TFDP2: variants seen among roughly 807,000 people sequenced by gnomAD.
TFDP2 encodes the protein transcription factor Dp-2 (E2F dimerization partner 2).
In TFDP2, 17 loss-of-function variants were observed where a neutral mutation model predicts 59.3. The ratio of observed to expected loss-of-function variants is 0.29; its 90% confidence interval spans 0.20 to 0.43. The LOEUF is 0.43. Among genes scored for constraint, TFDP2 ranks in the 20% least tolerant of loss-of-function variants. The probability of loss-of-function intolerance (pLI) is 1.00; values close to 1 mark genes in which losing one functional copy is unlikely to be tolerated. For missense variants in TFDP2, 391 were observed against 528.8 expected (o/e 0.74, Z 2.56); for synonymous variants, 180 against 194.7 (o/e 0.92, Z 0.63).
intron 3 of TFDP2, among the ~76,000 whole-genome samples, chr3:142,013,225 T>C (rs1280371870): frequency 2.3e-5 from 3 of 131,906 alleles, no homozygotes; most frequent in Admixed American, 2.2e-4. Context: ...TAAAACAAGT[T>C]GAAGATCTAG....
chr3:142,043,700 G>A lies in TFDP2; in HGVS notation c.83-38156C>T. On this transcript the variant is annotated intron_variant, in intron 3 of 12. Coordinates refer to ENST00000489671, the MANE Select transcript of TFDP2 (RefSeq NM_001178139.2). ...TTGGCCTGCAGGCGTTCTTCACCGT[G>A]CTTGCGTGCTTCCTTGGTCTTAGAC... The A allele has an allele frequency of 2.7e-6, 3 of 1,104,300 alleles. No individual in the cohort carries two copies. The South Asian group carries it at 3.7e-5, about 14-fold the overall frequency. The allele number at this position is 1,104,300 out of a possible 1,614,324, so 68.4% of individuals were successfully genotyped here. A position where few individuals can be genotyped will look rare whatever the true frequency, so the allele number is the denominator to read the frequency against.
chr3:141,997,208 C>T (rs553225169), intron 4 of TFDP2, among the ~76,000 whole-genome samples: 10 of 152,168 alleles, frequency 6.6e-5, no homozygotes, highest in African/African-American at 2.4e-4. Flanking sequence ...TAAATATTTA[C>T]TAACTGGGAT....
intron 1 of TFDP2, among the ~76,000 whole-genome samples, chr3:142,111,185 T>G (rs1459575064): frequency 6.6e-6 from 1 of 152,078 alleles, no homozygotes; most frequent in Non-Finnish European, 1.5e-5. Context: ...TCCCAGCACT[T>G]TGGGAGGCCG....
At chr3:142,002,552 A>G (rs1278047816) in intron 4 of TFDP2, among the ~76,000 whole-genome samples, 1 of 152,022 alleles carries the variant, frequency 6.6e-6, no homozygotes, top group African/African-American at 2.4e-5. Flanking sequence ...GGCCTTTACC[A>G]TCCATATTTG....
chr3:141,999,737 CTT>C (rs1016787088), intron 4 of TFDP2, among the ~76,000 whole-genome samples: 15 of 140,030 alleles, frequency 1.1e-4, no homozygotes, highest in Admixed American at 2.2e-4. Flanking sequence ...GCAAGAATTC[CTT>C]TTTTTTTTTT....
rs1236959131 is a variant in TFDP2 at position 142,003,694 on chromosome 3, C to T, written c.186+1747G>A. Reference sequence around the variant, plus strand: ...GGGACAAATTAAGTACTTGGGATGGCCCAGTTGAAGGTAGAGTTCCAAATC... The same window carrying T: ...GGGACAAATTAAGTACTTGGGATGGTCCAGTTGAAGGTAGAGTTCCAAATC... On this transcript the variant is annotated intron_variant, in intron 4 of 12. Transcript: ENST00000489671. Among the ~76,000 whole-genome samples the T allele has an allele frequency of 7.9e-5, 12 of 152,272 alleles. 1 individual carries two copies. The highest frequency in any genetic ancestry group is 6.2e-4 in the South Asian group (3 of 4,816).
At chr3:142,003,874 G>T (rs1944013235) in intron 4 of TFDP2, among the ~76,000 whole-genome samples, 1 of 152,110 alleles carries the variant, frequency 6.6e-6, no homozygotes. Context: ...AATTATACAT[G>T]CTTCCAAAGG....
At chr3:142,017,450 C>A (rs192176237) in intron 3 of TFDP2, among the ~76,000 whole-genome samples, 1 of 152,082 alleles carries the variant, frequency 6.6e-6, no homozygotes, top group Non-Finnish European at 1.5e-5. Flanking sequence ...CGAATCACCA[C>A]CAAAATATTC....
chr3:141,974,207 T>C lies in TFDP2; in HGVS notation c.520-16A>G. ...GATCATAAGCCTGCTAAAAAATATT[T>C]TCACTGAGTGATAAATCTTAAGGGT... is the stretch of plus-strand genomic sequence containing the variant. On this transcript the variant is annotated splice_polypyrimidine_tract_variant and intron_variant, in intron 7 of 12. Coordinates refer to ENST00000489671, the MANE Select transcript of TFDP2 (RefSeq NM_001178139.2). 6.3e-7 allele frequency: 1 copy of C among 1,586,058 alleles called. No individual in the cohort carries two copies.
intron 8 of TFDP2, among the ~76,000 whole-genome samples, chr3:141,973,123 A>ATATATATATATATATATTTTTTTTTT: frequency 6.9e-5 from 4 of 58,026 alleles, no homozygotes; most frequent in Non-Finnish European, 1.1e-4. Context: ...ATATATATAT[A>ATATATATATATATATATTTTTTTTTT]TTTTTTTTTT....
At chr3:142,128,081 C>T (rs2062336909) in intron 1 of TFDP2, among the ~76,000 whole-genome samples, 2 of 151,998 alleles carry the variant, frequency 1.3e-5, no homozygotes, top group South Asian at 4.2e-4. Flanking sequence ...CATGTCTGTC[C>T]ATAGTCCTAG....
At chr3:142,140,007 C>G (rs913804557) in intron 1 of TFDP2, among the ~76,000 whole-genome samples, 2 of 152,206 alleles carry the variant, frequency 1.3e-5, no homozygotes, top group African/African-American at 4.8e-5. Flanking sequence ...GTACACCAAT[C>G]AAACACAGAT....
intron 1 of TFDP2, among the ~76,000 whole-genome samples, chr3:142,131,152 G>A (rs114398538): frequency 0.023 from 3,411 of 149,434 alleles, 430 homozygotes; most frequent in African/African-American, 0.083. Flanking sequence ...AAAAGATGAC[G>A]TGTCTCTATA....
chr3:142,122,982 C>T (rs2062102109), intron 1 of TFDP2, among the ~76,000 whole-genome samples: 1 of 149,854 alleles, frequency 6.7e-6, no homozygotes, highest in Non-Finnish European at 1.5e-5. Context: ...TTTTTGGAGA[C>T]AGGGTCTCTC....
chr3:142,084,995 A>G (rs888393200), intron 3 of TFDP2, among the ~76,000 whole-genome samples: 1 of 151,962 alleles, frequency 6.6e-6, no homozygotes, highest in Non-Finnish European at 1.5e-5. Flanking sequence ...ATCTCAGCTC[A>G]ATGCAACCTC....
intron 3 of TFDP2, among the ~76,000 whole-genome samples, chr3:142,018,929 G>GTTTTTTTT (rs62753560): frequency 2.4e-5 from 3 of 125,192 alleles, no homozygotes; most frequent in Non-Finnish European, 3.2e-5. Context: ...TTTTTGGTGA[G>GTTTTTTTT]TTTTTTTTTT....
chr3:142,044,235 T>TG (rs1263504148), intron 3 of TFDP2: 4 of 231,744 alleles, frequency 1.7e-5, no homozygotes, highest in Non-Finnish European at 3.3e-5. Context: ...GGTTTTTTTT[T>TG]TTTTTTTTTT....
Position 142,005,557 on chromosome 3 carries a change from C to G in TFDP2, c.83-13G>C. On this transcript the variant is annotated splice_polypyrimidine_tract_variant and intron_variant, in intron 3 of 12. Coordinates refer to ENST00000489671, the MANE Select transcript of TFDP2 (RefSeq NM_001178139.2). ...AATGAAATGTTGCCTGAAATGATAT[C>G]AAAACATTAAGTTAGTATTCTGCCA... 1.9e-6 allele frequency: 3 copies of G among 1,561,550 alleles called. No individual in the cohort carries two copies. Among genetic ancestry groups the G allele is most frequent in the Non-Finnish European group, 2.6e-6 (3 of 1,146,768 alleles).
chr3:141,955,761 C>A (rs909691427), intron 11 of TFDP2, among the ~76,000 whole-genome samples: 5 of 152,136 alleles, frequency 3.3e-5, no homozygotes, highest in African/African-American at 4.8e-5. Flanking sequence ...GTTATACTTA[C>A]AAATAAAATA....
Sources: gnomAD v4.1 joint callset for allele counts (sites outside exome capture counted in the v4.1 genomes callset) on GRCh38, gnomAD v4.1.1 for gene constraint, MANE v1.5 for transcripts, NCBI Gene and HGNC (gene_info 2026-07-23, HGNC 2026-07-21) for gene names.